The following ALCAM variants were observed in gnomAD, a reference collection of about 807,000 sequenced individuals.
ALCAM encodes the protein activated leukocyte cell adhesion molecule.
In ALCAM, 30 loss-of-function variants were observed where a neutral mutation model predicts 70.9. The ratio of observed to expected loss-of-function variants is 0.42; its 90% CI spans 0.32 to 0.57. ALCAM has a LOEUF of 0.57. Ranked by LOEUF, ALCAM falls within the 20% of genes least tolerant of loss-of-function variation. ALCAM has a pLI of 0.11. For missense variants in ALCAM, 591 were observed against 695.1 expected (o/e 0.85, Z 1.68); for synonymous variants, 249 against 242.5 (o/e 1.03, Z -0.25).
In ALCAM at chr3:105,492,998, TTAAG is replaced by T. The variant is rs1225189548; in HGVS notation, c.74-27066_74-27063del. Among the ~76,000 whole-genome samples the T allele has an allele frequency of 2.0e-5, 3 of 152,182 alleles. No individual in the cohort carries two copies. In the East Asian group the frequency reaches 5.8e-4, roughly 29 times the overall value. On this transcript the variant is annotated intron_variant, in intron 1 of 15. Coordinates refer to ENST00000306107, the MANE Select transcript of ALCAM (RefSeq NM_001627.4). The stretch of plus-strand genomic sequence containing the variant: ...TTTTTCATTTTCTCAGTTCTGCAAA[TTAAG>T]TACTTTAGATATTTTTTAGGTTTGA...
At chr3:105,388,705 G>T (rs539293316) in intron 1 of ALCAM, among the ~76,000 whole-genome samples, 1 of 151,400 alleles carries the variant, frequency 6.6e-6, no homozygotes, top group African/African-American at 2.4e-5. Context: ...TACTTTTCTA[G>T]GAAAACTTAT....
chr3:105,387,806 T>C (rs1372880884), intron 1 of ALCAM, among the ~76,000 whole-genome samples: 3 of 151,584 alleles, frequency 2.0e-5, no homozygotes, highest in Non-Finnish European at 3.0e-5. Context: ...GGTTAATCAC[T>C]TCATATTTCT....
At chr3:105,513,904 C>T (rs2152620803) in intron 1 of ALCAM, among the ~76,000 whole-genome samples, 1 of 152,072 alleles carries the variant, frequency 6.6e-6, no homozygotes, top group Admixed American at 6.6e-5. Context: ...CAAAGATCTA[C>T]TCTGTAGAAA....
At position 105,442,786 on chromosome 3, in the gene ALCAM, A is replaced by T. The variant is rs542056926; in HGVS notation, c.73+75305A>T. ...ACAGAGCGAGATTCCGTCTCAAAAA[A>T]AAAAAGAAAGAAAGAAATTACATTT... is the stretch of plus-strand genomic sequence containing the variant. On this transcript the variant is annotated intron_variant, in intron 1 of 15. Coordinates refer to ENST00000306107, the MANE Select transcript of ALCAM (RefSeq NM_001627.4). 4.1e-4 allele frequency among the ~76,000 whole-genome samples: 63 copies of T among 152,304 alleles called. 1 individual carries two copies. In the South Asian group the frequency reaches 0.011, roughly 27 times the overall value.
intron 14 of ALCAM, among the ~76,000 whole-genome samples, chr3:105,559,177 AT>A (rs1940579412): frequency 6.7e-6 from 1 of 148,196 alleles, no homozygotes; most frequent in East Asian, 1.9e-4. Flanking sequence ...TATATATATT[AT>A]ATATACATGT....
At chr3:105,382,816 A>G (rs898824609) in intron 1 of ALCAM, among the ~76,000 whole-genome samples, 8 of 151,692 alleles carry the variant, frequency 5.3e-5, no homozygotes, top group Admixed American at 3.3e-4. Flanking sequence ...ATTTGTTGGA[A>G]TTCATTGTAG....
At chr3:105,374,406 T>TA (rs1935325827) in intron 1 of ALCAM, among the ~76,000 whole-genome samples, 1 of 152,126 alleles carries the variant, frequency 6.6e-6, no homozygotes, top group Non-Finnish European at 1.5e-5. Context: ...CTTTTTTTCT[T>TA]AAAAAAGAAC....
chr3:105,521,898 C>G (rs1447714197), intron 2 of ALCAM, among the ~76,000 whole-genome samples: 1 of 152,142 alleles, frequency 6.6e-6, no homozygotes, highest in Non-Finnish European at 1.5e-5. Context: ...TTCTGGTTTC[C>G]TATAAATGTG....
At chr3:105,494,534 C>T (rs1192378564) in intron 1 of ALCAM, among the ~76,000 whole-genome samples, 1 of 151,652 alleles carries the variant, frequency 6.6e-6, no homozygotes, top group African/African-American at 2.4e-5. Context: ...AAAGTTGCTC[C>T]CTCTTAAGAA....
At chr3:105,377,567 A>T (rs9859198) in intron 1 of ALCAM, among the ~76,000 whole-genome samples, 13,786 of 152,090 alleles carry the variant, frequency 0.091, 695 homozygotes, top group Non-Finnish European at 0.12. Context: ...TTATTGGAAA[A>T]GTTAGAATTA....
chr3:105,531,853 C>G (rs1178188188), intron 3 of ALCAM, 149 bp from the exon 4 acceptor site: 1 of 726,912 alleles, frequency 1.4e-6, no homozygotes, highest in Non-Finnish European at 2.4e-6. Flanking sequence ...TATAGATTCC[C>G]CAAATCCAGA....
intron 1 of ALCAM, among the ~76,000 whole-genome samples, chr3:105,504,831 G>T (rs568550693): frequency 6.6e-6 from 1 of 152,224 alleles, no homozygotes; most frequent in Non-Finnish European, 1.5e-5. Context: ...AGGCCTGGGG[G>T]TGGAGCCCTA....
At chr3:105,458,724 C>A (rs539798934) in intron 1 of ALCAM, among the ~76,000 whole-genome samples, 1 of 152,234 alleles carries the variant, frequency 6.6e-6, no homozygotes, top group East Asian at 1.9e-4. Flanking sequence ...GCTTTTCTGC[C>A]TTGAGAGCTC....
intron 1 of ALCAM, among the ~76,000 whole-genome samples, chr3:105,447,846 T>TGATAATA (rs1289713714): frequency 6.6e-6 from 1 of 152,230 alleles, no homozygotes; most frequent in African/African-American, 2.4e-5. Flanking sequence ...GCTCACGACA[T>TGATAATA]TATTATCAAT....
intron 1 of ALCAM, among the ~76,000 whole-genome samples, chr3:105,392,081 T>C (rs554081070): frequency 6.6e-6 from 1 of 152,096 alleles, no homozygotes; most frequent in Admixed American, 6.6e-5. Context: ...AATGCTGGTC[T>C]CACAAAATGA....
intron 1 of ALCAM, among the ~76,000 whole-genome samples, chr3:105,470,508 C>T (rs77706963): frequency 6.6e-6 from 1 of 151,064 alleles, no homozygotes; most frequent in Non-Finnish European, 1.5e-5. Context: ...AAATAATTGA[C>T]CTCTTAATAA....
At position 105,386,041 on chromosome 3, in the gene ALCAM, G is replaced by T. The variant is rs115140835; in HGVS notation, c.73+18560G>T. Among the ~76,000 whole-genome samples, 496 of 151,638 alleles carry T rather than the reference G, an allele frequency of 3.3e-3. 4 individuals carry two copies. The highest frequency in any genetic ancestry group is 0.01 in the African/African-American group (431 of 41,456). ...TGGAGCACATACTATTGAATGATCTGCTCTAAACTTAGGCATTGGTGGGCC... is the reference window on the plus strand; with the variant it reads ...TGGAGCACATACTATTGAATGATCTTCTCTAAACTTAGGCATTGGTGGGCC... On this transcript the variant is annotated intron_variant, in intron 1 of 15. Transcript: ENST00000306107.
chr3:105,410,756 G>C (rs1285756282), intron 1 of ALCAM, among the ~76,000 whole-genome samples: 1 of 151,948 alleles, frequency 6.6e-6, no homozygotes, highest in Non-Finnish European at 1.5e-5. Context: ...CTTCATCTGT[G>C]AAAAAATGTT....
intron 1 of ALCAM, among the ~76,000 whole-genome samples, chr3:105,443,206 A>T (rs1433935513): frequency 6.6e-6 from 1 of 152,218 alleles, no homozygotes; most frequent in Non-Finnish European, 1.5e-5. Context: ...TACTTGGAAA[A>T]TGAAATGGAA....
Sources: gnomAD v4.1 joint callset for allele counts (sites outside exome capture counted in the v4.1 genomes callset) on GRCh38, gnomAD v4.1.1 for gene constraint, MANE v1.5 for transcripts, NCBI Gene and HGNC (gene_info 2026-07-23, HGNC 2026-07-21) for gene names.